CCDC171: variants seen among roughly 807,000 people sequenced by gnomAD.
CCDC171 encodes the protein coiled-coil domain-containing protein 171.
In CCDC171, 177 loss-of-function variants were observed where a neutral mutation model predicts 168.2. The ratio of observed to expected loss-of-function variants is 1.05; its 90% CI spans 0.93 to 1.19. The LOEUF (loss-of-function observed/expected upper bound fraction) is 1.19, where lower values mean the gene tolerates loss of function less well. Among genes scored for constraint, CCDC171 ranks in the 50% most tolerant of loss-of-function variants. The probability of loss-of-function intolerance (pLI) is 0.00; values close to 1 mark genes in which losing one functional copy is unlikely to be tolerated. For missense variants in CCDC171, 1,991 were observed against 1,539.0 expected (o/e 1.29, Z -4.91); for synonymous variants, 687 against 540.8 (o/e 1.27, Z -3.75).
intron 9 of CCDC171, among the ~76,000 whole-genome samples, chr9:15,677,581 T>G (rs1209369837): frequency 6.6e-6 from 1 of 151,918 alleles, no homozygotes; most frequent in African/African-American, 2.4e-5. Context: ...AGTGACAACA[T>G]TTAAATTTGA....
At position 15,930,696 on chromosome 9, in the gene CCDC171, A is replaced by C. The variant is rs557788598; in HGVS notation, c.3753+10274A>C. Among the ~76,000 whole-genome samples, 12 of 151,860 alleles carry C rather than the reference A, an allele frequency of 7.9e-5. No individual in the cohort carries two copies. The South Asian group carries it at 2.3e-3, about 29-fold the overall frequency. Reference sequence around the variant, plus strand: ...AGAGGTCTAATTTACATAAATCAGTAGAAAGTTTGTTTTCAAAAATGTGTT... The same window carrying C: ...AGAGGTCTAATTTACATAAATCAGTCGAAAGTTTGTTTTCAAAAATGTGTT... On this transcript the variant is annotated intron_variant, in intron 25 of 25. Transcript: ENST00000380701.
the CCDC171 span, among the ~76,000 whole-genome samples, chr9:16,107,532 C>G: frequency 6.6e-6 from 1 of 152,146 alleles, no homozygotes; most frequent in South Asian, 2.1e-4. Flanking sequence ...ACTGTTCTCT[C>G]TCTAAATGTG....
At position 15,617,384 on chromosome 9, in the gene CCDC171, T is replaced by C. The variant is rs972078879; in HGVS notation, c.676-5883T>C. ...GATGGGCTTTTTGTGGGAGGGTTTT[T>C]TTTTTTTTTTGAGATGGAGTCTTGC... On this transcript the variant is annotated intron_variant, in intron 6 of 25. Transcript: ENST00000380701. 2.6e-5 allele frequency among the ~76,000 whole-genome samples: 4 copies of C among 151,236 alleles called. 1 individual carries two copies. Among genetic ancestry groups the C allele is most frequent in the Non-Finnish European group, 5.9e-5 (4 of 67,728 alleles).
chr9:15,986,738 G>C (rs1832003281), intron 3 of CCDC171, among the ~76,000 whole-genome samples: 3 of 152,118 alleles, frequency 2.0e-5, no homozygotes, highest in Admixed American at 6.6e-5. Flanking sequence ...ACTCTTAGAT[G>C]ACTATTTCCA....
chr9:15,761,259 A>G (rs1185303555), intron 18 of CCDC171, among the ~76,000 whole-genome samples: 1 of 152,122 alleles, frequency 6.6e-6, no homozygotes, highest in Non-Finnish European at 1.5e-5. Flanking sequence ...CTTTGAGTTA[A>G]CTTTCTAGAG....
intron 3 of CCDC171, among the ~76,000 whole-genome samples, chr9:16,011,691 C>T (rs902114826): frequency 4.6e-5 from 7 of 152,022 alleles, no homozygotes; most frequent in African/African-American, 1.7e-4. Context: ...TTCTGAGTTC[C>T]GATTTTGCAC....
At chr9:15,559,179 T>C (rs1404310365) in intron 1 of CCDC171, among the ~76,000 whole-genome samples, 2 of 152,160 alleles carry the variant, frequency 1.3e-5, no homozygotes, top group Admixed American at 6.6e-5. Flanking sequence ...GGAATAAGTG[T>C]GATGTGGTGC....
intron 6 of CCDC171, among the ~76,000 whole-genome samples, chr9:15,608,527 G>C (rs868284217): frequency 1.3e-5 from 2 of 151,922 alleles, no homozygotes; most frequent in African/African-American, 4.8e-5. Flanking sequence ...TCTCATTCTT[G>C]CTTAAATTTC....
At chr9:15,806,759 C>A (rs960441141) in intron 21 of CCDC171, among the ~76,000 whole-genome samples, 4 of 151,984 alleles carry the variant, frequency 2.6e-5, no homozygotes, top group African/African-American at 9.7e-5. Flanking sequence ...GAATTTGACT[C>A]TTGGCCTCTA....
At chr9:16,103,791 G>T in the CCDC171 span, among the ~76,000 whole-genome samples, 1 of 152,190 alleles carries the variant, frequency 6.6e-6, no homozygotes, top group Admixed American at 6.5e-5. Flanking sequence ...CGGCGAGGGG[G>T]GCCTGCCCCC....
At chr9:15,883,707 G>A (rs971096631) in intron 24 of CCDC171, among the ~76,000 whole-genome samples, 3 of 152,126 alleles carry the variant, frequency 2.0e-5, no homozygotes, top group Non-Finnish European at 4.4e-5. Flanking sequence ...CCTTAATTCA[G>A]CTTAATGTAT....
At chr9:15,780,624 A>C (rs1175744826) in intron 20 of CCDC171, among the ~76,000 whole-genome samples, 2 of 152,178 alleles carry the variant, frequency 1.3e-5, no homozygotes, top group African/African-American at 4.8e-5. Flanking sequence ...TGTTCTCCAC[A>C]TTTCGTGTGT....
chr9:15,943,569 A>G (rs1163015800), intron 25 of CCDC171, among the ~76,000 whole-genome samples: 2 of 151,996 alleles, frequency 1.3e-5, no homozygotes, highest in Non-Finnish European at 2.9e-5. Context: ...GACATTGTGT[A>G]TTATTTAACC....
intron 25 of CCDC171, among the ~76,000 whole-genome samples, chr9:15,955,948 C>A (rs914171837): frequency 1.3e-5 from 2 of 151,996 alleles, no homozygotes; most frequent in Non-Finnish European, 2.9e-5. Context: ...AGGACAGTAA[C>A]AGTGGAGATA....
At chr9:15,600,715 C>G (rs2042776734) in intron 6 of CCDC171, among the ~76,000 whole-genome samples, 1 of 152,212 alleles carries the variant, frequency 6.6e-6, no homozygotes, top group African/African-American at 2.4e-5. Flanking sequence ...TTTTGTTTGG[C>G]TATGCCCTGC....
intron 3 of CCDC171, among the ~76,000 whole-genome samples, chr9:15,995,986 T>G (rs557970310): frequency 6.6e-6 from 1 of 152,218 alleles, no homozygotes; most frequent in Non-Finnish European, 1.5e-5. Flanking sequence ...AAAACCCCAG[T>G]AGTTTATTCT....
intron 20 of CCDC171, among the ~76,000 whole-genome samples, chr9:15,780,922 C>T (rs970953058): frequency 2.6e-5 from 4 of 152,028 alleles, no homozygotes; most frequent in African/African-American, 4.8e-5. Context: ...CTTTTAAAAA[C>T]GAATTCTTTT....
intron 21 of CCDC171, among the ~76,000 whole-genome samples, chr9:15,835,114 G>A (rs1203141724): frequency 1.3e-5 from 2 of 152,068 alleles, no homozygotes; most frequent in Non-Finnish European, 1.5e-5. Context: ...CAAAATCCTG[G>A]GAATCAGATG....
At chr9:16,089,482 G>C in the CCDC171 span, among the ~76,000 whole-genome samples, 1 of 151,128 alleles carries the variant, frequency 6.6e-6, no homozygotes, top group Non-Finnish European at 1.5e-5. Context: ...TATTGCCTAG[G>C]TTTTCTTCTA....
Sources: gnomAD v4.1 joint callset for allele counts (sites outside exome capture counted in the v4.1 genomes callset) on GRCh38, gnomAD v4.1.1 for gene constraint, MANE v1.5 for transcripts, NCBI Gene and HGNC (gene_info 2026-07-23, HGNC 2026-07-21) for gene names.